SLC12A7: variants seen among roughly 807,000 people sequenced by gnomAD.
The protein encoded by SLC12A7 is solute carrier family 12 member 7.
SLC12A7 carries 100 observed loss-of-function variants against 120.6 expected under a neutral mutation model. The ratio of observed to expected loss-of-function variants is 0.83; its 90% CI spans 0.71 to 0.98. The LOEUF is 0.98. Among genes scored for constraint, SLC12A7 ranks in the 50% least tolerant of loss-of-function variants. The pLI is 0.00. For synonymous variants in SLC12A7, 760 were observed against 678.0 expected, an observed-to-expected ratio of 1.12 and a Z score of -1.88; for missense variants, 1,373 against 1,548.1, an observed-to-expected ratio of 0.89 and a Z score of 1.90.
At chr5:1,076,847 A>G in intron 12 of SLC12A7, 35 bp from the exon 13 acceptor site, 1 of 1,400,786 alleles carries the variant, frequency 7.1e-7, no homozygotes, top group Non-Finnish European at 1.0e-6. Context: ...GGGGCAGATG[A>G]CACCACCCTT....
rs1210941928 is a variant in SLC12A7, at chr5:1,051,277, G to A, written c.*1083C>T. On this transcript the variant is annotated 3_prime_UTR_variant, in exon 24 of 24. Coordinates refer to ENST00000264930, the MANE Select transcript of SLC12A7 (RefSeq NM_006598.3). ...GACAGACCTGACACCAGGCGCCACT[G>A]CTGCCTGAGGACCTCCCACGTCGGG... is the stretch of plus-strand genomic sequence containing the variant. 1 of 215,664 alleles carries A rather than the reference G, an allele frequency of 4.6e-6. No individual in the cohort carries two copies. The highest frequency in any genetic ancestry group is 9.2e-5 in the East Asian group (1 of 10,882). 13.4% of individuals were successfully genotyped at this position (215,664 alleles called of 1,614,324 possible).
At chr5:1,139,067 T>TC in the SLC12A7 span, among the ~76,000 whole-genome samples, 4 of 150,730 alleles carry the variant, frequency 2.7e-5, no homozygotes, top group Admixed American at 2.0e-4. Flanking sequence ...AAGCTTGGGG[T>TC]GGGGGGGGGG....
At chr5:1,088,385 G>C in intron 4 of SLC12A7, 25 bp from the exon 5 acceptor site, 1 of 1,563,260 alleles carries the variant, frequency 6.4e-7, no homozygotes, top group Non-Finnish European at 8.7e-7. Flanking sequence ...GCAGCCATCT[G>C]AGGAGAGTTT....
chr5:1,132,267 T>C, the SLC12A7 span, among the ~76,000 whole-genome samples: 1 of 152,128 alleles, frequency 6.6e-6, no homozygotes, highest in Non-Finnish European at 1.5e-5. Flanking sequence ...CTACCCTCTA[T>C]GGCCTAAAAA....
chr5:1,081,430 G>T, intron 9 of SLC12A7, 147 bp downstream of exon 9: 1 of 792,708 alleles, frequency 1.3e-6, no homozygotes, highest in Non-Finnish European at 1.9e-6. Flanking sequence ...GACTCAGGTG[G>T]GAGGAATATT....
At position 1,063,954 on chromosome 5, in the gene SLC12A7, G is replaced by C; in HGVS notation, c.2629C>G (p.Arg877Gly). 1 of 1,612,542 alleles carries C rather than the reference G, an allele frequency of 6.2e-7. No individual in the cohort carries two copies. The highest frequency in any genetic ancestry group is 8.5e-7 in the Non-Finnish European group (1 of 1,179,816). Residue 877 changes from arginine to glycine, a missense_variant, in exon 20 of 24, where the codon CGT (arginine) becomes GGT (glycine). Physicochemically the swap from Arg to Gly is moderately radical, Grantham distance 125. Coordinates refer to ENST00000264930, the MANE Select transcript of SLC12A7 (RefSeq NM_006598.3). Reference protein sequence around the residue: ...QHKVWRKCRMRIFTVAQVDDN... With the variant: ...QHKVWRKCRMGIFTVAQVDDN... ...TCCACCTGGGCCACGGTGAAGATAC[G>C]CATCCGGCACTTCCTCCACACCTGC...
chr5:1,130,646 C>T, the SLC12A7 span, among the ~76,000 whole-genome samples: 1 of 115,032 alleles, frequency 8.7e-6, no homozygotes, highest in South Asian at 2.7e-4. Context: ...GGAGGGCGTG[C>T]TGCATTCTTC....
the SLC12A7 span, among the ~76,000 whole-genome samples, chr5:1,140,985 G>C: frequency 1.1e-4 from 16 of 152,226 alleles, no homozygotes; most frequent in Admixed American, 3.3e-4. Context: ...GGCTGAGGGG[G>C]AGGGTGGACA....
At position 1,061,092 on chromosome 5, in the gene SLC12A7, G is replaced by A. The variant is rs1309574737; in HGVS notation, c.2740-641C>T. On this transcript the variant is annotated intron_variant, in intron 20 of 23. Transcript: ENST00000264930. ...GCCGCACCTGCCGCATCCGCCATGC[G>A]GAACCCCTGCGTCTCACCCACCGCA... Among the ~76,000 whole-genome samples the A allele has an allele frequency of 1.8e-4, 11 of 60,120 alleles. 1 individual carries two copies. The highest frequency in any genetic ancestry group is 5.2e-4 in the African/African-American group (11 of 21,072). The allele number at this position is 60,120 out of a possible 152,430, so 39.4% of individuals were successfully genotyped here.
the SLC12A7 span, among the ~76,000 whole-genome samples, chr5:1,123,195 C>T: frequency 6.6e-6 from 1 of 152,190 alleles, no homozygotes; most frequent in Non-Finnish European, 1.5e-5. Flanking sequence ...TGGCCTGTGC[C>T]CAAGGTCACT....
At position 1,068,686 on chromosome 5, in the gene SLC12A7, TC is replaced by T. The variant is rs367599705; in HGVS notation, c.2242-3209del. On this transcript the variant is annotated intron_variant, in intron 17 of 23. Transcript: ENST00000264930. ...CGTCCTCCCGTCCGCAAGAGCGGGCTCCTGTCTGAGGCTGCCCCAGACCCCC... is the reference window on the plus strand; with the variant it reads ...CGTCCTCCCGTCCGCAAGAGCGGGCTCTGTCTGAGGCTGCCCCAGACCCCC... Among the ~76,000 whole-genome samples, 1,197 of 152,242 alleles carry T rather than the reference TC, an allele frequency of 7.9e-3. 17 individuals are homozygous for T. Among genetic ancestry groups the T allele is most frequent in the African/African-American group, 0.027 (1,119 of 41,576 alleles).
chr5:1,102,730 T>C (rs1579436779), intron 1 of SLC12A7, among the ~76,000 whole-genome samples: 1 of 152,146 alleles, frequency 6.6e-6, no homozygotes, highest in Non-Finnish European at 1.5e-5. Context: ...CAGGCCTGGC[T>C]CTGTGTGTCC....
rs41280370 is a variant in SLC12A7, at chr5:1,076,149, C to T, written c.1836G>A (p.Lys612=). The T allele has an allele frequency of 7.4e-6, 12 of 1,611,070 alleles. No homozygotes were observed. The highest frequency in any genetic ancestry group is 1.7e-4 in the Middle Eastern group (1 of 6,058). Residue 612 remains lysine (K), a synonymous_variant, in exon 14 of 24, where the codon AAG becomes AAA. Transcript: ENST00000264930. ...CTGAGTGGCCTCACCAGTGGTAGAA[C>T]TTGAAGCGTGGACGCCAGTTGGGGG... is the stretch of plus-strand genomic sequence containing the variant. ...LRTPNWRPRF[K]FYHWTLSFLG...
At position 1,085,237 on chromosome 5, in the gene SLC12A7, G is replaced by C. The variant is rs778402753; in HGVS notation, c.912C>G (p.Asp304Glu). ...GVIKSAFDPPDIPVCLLGNRT... is the reference protein window; with the variant it reads ...GVIKSAFDPPEIPVCLLGNRT... Reference sequence around the variant, plus strand: ...TCAGAGGCCCCGAGACTCACGGGATGTCCGGGGGGTCGAAGGCAGACTTGA... The same window carrying C: ...TCAGAGGCCCCGAGACTCACGGGATCTCCGGGGGGTCGAAGGCAGACTTGA... Residue 304 changes from aspartate to glutamate, a missense_variant, in exon 7 of 24, where the codon GAC (aspartate) becomes GAG (glutamate). Coordinates refer to ENST00000264930, the MANE Select transcript of SLC12A7 (RefSeq NM_006598.3). The C allele has an allele frequency of 5.6e-6, 9 of 1,612,162 alleles. No homozygotes were observed. In the African/African-American group the frequency reaches 1.2e-4, roughly 22 times the overall value.
chr5:1,102,694 C>T (rs1042816994), intron 1 of SLC12A7, among the ~76,000 whole-genome samples: 2 of 152,204 alleles, frequency 1.3e-5, no homozygotes, highest in African/African-American at 2.4e-5. Context: ...CCAGGCTTCC[C>T]GGCTCCCTGC....
chr5:1,060,727 G>C (rs941552843), intron 20 of SLC12A7, among the ~76,000 whole-genome samples: 3 of 152,208 alleles, frequency 2.0e-5, no homozygotes, highest in African/African-American at 7.2e-5. Context: ...CAAGGCCACA[G>C]CCACAAACCA....
At chr5:1,085,158 G>T in intron 7 of SLC12A7, 74 bp downstream of exon 7, 1 of 1,561,564 alleles carries the variant, frequency 6.4e-7, no homozygotes. Context: ...GATGATGGAC[G>T]AGAGGCGGGC....
In SLC12A7 at chr5:1,079,510, A is replaced by G; in HGVS notation, c.1298-14T>C. On this transcript the variant is annotated splice_polypyrimidine_tract_variant and intron_variant, in intron 9 of 23. Coordinates refer to ENST00000264930, the MANE Select transcript of SLC12A7 (RefSeq NM_006598.3). ...CCGCCATGATACCTGTGAACATGGA[A>G]AATGCTGCAAAGACCCATCTGAGGA... 6.2e-7 allele frequency: 1 copy of G among 1,603,528 alleles called. No individual in the cohort carries two copies.
At chr5:1,153,683 A>C in the SLC12A7 span, among the ~76,000 whole-genome samples, 4 of 152,210 alleles carry the variant, frequency 2.6e-5, no homozygotes, top group Non-Finnish European at 5.9e-5. Context: ...GACGCCCGAG[A>C]ACCCTGCAGC....
Sources: allele counts gnomAD v4.1 joint callset (sites outside exome capture counted in the v4.1 genomes callset), GRCh38; gene constraint gnomAD v4.1.1; transcripts MANE v1.5; gene names NCBI Gene and HGNC (gene_info 2026-07-23, HGNC 2026-07-21).